Variants in OPCML observed in about 807,000 individuals in gnomAD.
OPCML encodes opioid binding protein/cell adhesion molecule like, also known as opioid-binding protein/cell adhesion molecule.
OPCML carries 13 observed loss-of-function variants against 37.8 expected under a neutral mutation model. The observed-to-expected ratio is 0.34, with a 90% CI of 0.22 to 0.55. The LOEUF is 0.55. OPCML is among the 20% of genes least tolerant of loss of function. The pLI is 0.91. For missense variants in OPCML, 341 were observed against 435.6 expected, an observed-to-expected ratio of 0.78 and a Z score of 1.93; for synonymous variants, 176 against 168.8, an observed-to-expected ratio of 1.04 and a Z score of -0.33.
chr11:133,283,445 G>A (rs1011691556), intron 1 of OPCML, among the ~76,000 whole-genome samples: 74 of 150,984 alleles, frequency 4.9e-4, no homozygotes, highest in African/African-American at 1.8e-3. Context: ...GCTCTCTGCT[G>A]TGATTAGAAG....
At chr11:132,521,358 C>T (rs1294608569) in intron 4 of OPCML, among the ~76,000 whole-genome samples, 1 of 152,102 alleles carries the variant, frequency 6.6e-6, no homozygotes, top group African/African-American at 2.4e-5. Context: ...GTTTATTTTG[C>T]TGTGCAGAAG....
intron 1 of OPCML, among the ~76,000 whole-genome samples, chr11:132,970,099 C>A (rs1946306919): frequency 6.6e-6 from 1 of 152,192 alleles, no homozygotes; most frequent in African/African-American, 2.4e-5. Flanking sequence ...TCATCCATCT[C>A]CCTCTTCATG....
chr11:133,328,161 T>A (rs1344335962), intron 1 of OPCML, among the ~76,000 whole-genome samples: 2 of 151,084 alleles, frequency 1.3e-5, no homozygotes, highest in East Asian at 3.9e-4. Context: ...GTTTTAATTT[T>A]TTTTTTTTTT....
rs75208368 is a variant in OPCML at position 132,886,647 on chromosome 11, T to C, written c.146+56279A>G. Among the ~76,000 whole-genome samples, 832 of 152,248 alleles carry C rather than the reference T, an allele frequency of 5.5e-3. 11 individuals carry two copies. The highest frequency in any genetic ancestry group is 0.019 in the African/African-American group (777 of 41,548). On this transcript the variant is annotated intron_variant, in intron 2 of 7. Coordinates refer to ENST00000524381, the MANE Select transcript of OPCML (RefSeq NM_001012393.5). ...GCAGAGTCACTTCTGCCACATTCCA[T>C]TGGTTATGAGCAAGTCATGAGTCCA...
At chr11:133,022,846 AC>A (rs1289754966) in intron 1 of OPCML, among the ~76,000 whole-genome samples, 15 of 152,308 alleles carry the variant, frequency 9.8e-5, no homozygotes, top group Non-Finnish European at 8.8e-5. Flanking sequence ...AGAGAGTCAG[AC>A]CATCATATTT....
chr11:132,987,275 C>T (rs765097078), intron 1 of OPCML, among the ~76,000 whole-genome samples: 1 of 151,964 alleles, frequency 6.6e-6, no homozygotes. Context: ...AGAGAAGCAC[C>T]GGGGAAAGAA....
chr11:133,032,877 C>G (rs1166007145), intron 1 of OPCML, among the ~76,000 whole-genome samples: 1 of 152,216 alleles, frequency 6.6e-6, no homozygotes, highest in East Asian at 1.9e-4. Flanking sequence ...ATCTGCTGAG[C>G]AACCTACTGC....
At chr11:132,421,631 C>A (rs2095959515) in intron 7 of OPCML, among the ~76,000 whole-genome samples, 2 of 152,182 alleles carry the variant, frequency 1.3e-5, no homozygotes, top group Non-Finnish European at 2.9e-5. Flanking sequence ...AATATACATG[C>A]TTTTATGGAC....
chr11:133,278,249 A>G (rs1459967347), intron 1 of OPCML, among the ~76,000 whole-genome samples: 1 of 152,148 alleles, frequency 6.6e-6, no homozygotes, highest in East Asian at 1.9e-4. Flanking sequence ...TCAGCTCCCT[A>G]TGAAAACCAG....
intron 1 of OPCML, among the ~76,000 whole-genome samples, chr11:133,329,409 CA>C (rs1243559915): frequency 6.6e-6 from 1 of 152,148 alleles, no homozygotes; most frequent in African/African-American, 2.4e-5. Context: ...AAGCTGGAGG[CA>C]TCACGCTACC....
At chr11:133,394,178 T>G (rs765028469) in intron 1 of OPCML, among the ~76,000 whole-genome samples, 3 of 152,232 alleles carry the variant, frequency 2.0e-5, no homozygotes, top group Non-Finnish European at 2.9e-5. Context: ...TCTCGCAGGC[T>G]CATAAACTCA....
chr11:132,535,617 G>A (rs1012841246), intron 3 of OPCML, among the ~76,000 whole-genome samples: 7 of 152,148 alleles, frequency 4.6e-5, no homozygotes, highest in Non-Finnish European at 7.3e-5. Context: ...AGGAACTGAC[G>A]TGTGCCCATA....
chr11:133,143,853 T>G (rs1295341687), intron 1 of OPCML, among the ~76,000 whole-genome samples: 1 of 152,250 alleles, frequency 6.6e-6, no homozygotes, highest in Non-Finnish European at 1.5e-5. Flanking sequence ...GCTGTGATAC[T>G]AGCTGCAATC....
chr11:133,231,252 C>A (rs1230747618), intron 1 of OPCML, among the ~76,000 whole-genome samples: 2 of 152,154 alleles, frequency 1.3e-5, no homozygotes, highest in Non-Finnish European at 2.9e-5. Flanking sequence ...TTGGATACAG[C>A]AAGTGACTCT....
chr11:132,455,027 A>G (rs1043900692), intron 4 of OPCML, among the ~76,000 whole-genome samples: 35 of 152,238 alleles, frequency 2.3e-4, no homozygotes, highest in African/African-American at 8.4e-4. Context: ...AATAGAATGT[A>G]TCACATAAAC....
chr11:132,477,315 G>A (rs562653676), intron 4 of OPCML, among the ~76,000 whole-genome samples: 7 of 152,320 alleles, frequency 4.6e-5, no homozygotes, highest in Middle Eastern at 3.4e-3. Context: ...GAAGTACACA[G>A]GGATTAGAGC....
chr11:133,502,619 A>T lies in OPCML; in HGVS notation c.61+29645T>A, dbSNP rs80086919. On this transcript the variant is annotated intron_variant, in intron 1 of 7. Coordinates refer to ENST00000524381, the MANE Select transcript of OPCML (RefSeq NM_001012393.5). ...TATTTCTTCTCCCTTCCAAGGCTCAACTAAATGATCACGATTTTCAGGGAA... is the reference window on the plus strand; with the variant it reads ...TATTTCTTCTCCCTTCCAAGGCTCATCTAAATGATCACGATTTTCAGGGAA... Among the ~76,000 whole-genome samples, 1,470 of 152,358 alleles carry T rather than the reference A, an allele frequency of 9.6e-3. 24 individuals carry two copies. The highest frequency in any genetic ancestry group is 0.034 in the African/African-American group (1,394 of 41,586).
At chr11:133,286,854 T>C (rs1034164496) in intron 1 of OPCML, among the ~76,000 whole-genome samples, 4 of 152,222 alleles carry the variant, frequency 2.6e-5, no homozygotes, top group Admixed American at 2.6e-4. Flanking sequence ...GGTCAATCAT[T>C]ATTTGTCGAG....
chr11:133,099,086 A>G (rs1420733869), intron 1 of OPCML, among the ~76,000 whole-genome samples: 1 of 152,156 alleles, frequency 6.6e-6, no homozygotes, highest in Non-Finnish European at 1.5e-5. Context: ...AGCACCCCCA[A>G]AATAAAAGAG....
Sources: gnomAD v4.1 joint callset for allele counts (sites outside exome capture counted in the v4.1 genomes callset) on GRCh38, gnomAD v4.1.1 for gene constraint, MANE v1.5 for transcripts, NCBI Gene and HGNC (gene_info 2026-07-23, HGNC 2026-07-21) for gene names.